NWD1: variants seen among roughly 807,000 people sequenced by gnomAD.
NWD1 encodes the protein NACHT and WD repeat domain containing 1.
NWD1 carries 129 observed loss-of-function variants against 135.1 expected under a neutral mutation model. The ratio of observed to expected loss-of-function variants is 0.96; its 90% CI spans 0.83 to 1.11. The LOEUF (loss-of-function observed/expected upper bound fraction) is 1.11, where lower values mean the gene tolerates loss of function less well. Among genes scored for constraint, NWD1 ranks in the 50% least tolerant of loss-of-function variants. The probability of loss-of-function intolerance (pLI) is 0.00; values close to 1 mark genes in which losing one functional copy is unlikely to be tolerated. For missense variants in NWD1, 1,740 were observed against 1,851.3 expected, an observed-to-expected ratio of 0.94 and a Z score of 1.10; for synonymous variants, 773 against 786.0, an observed-to-expected ratio of 0.98 and a Z score of 0.28.
chr19:16,743,567 T>C (rs758777976), intron 4 of NWD1, among the ~76,000 whole-genome samples: 3 of 152,074 alleles, frequency 2.0e-5, no homozygotes, highest in Non-Finnish European at 4.4e-5. Context: ...ATAAGGGCGG[T>C]CAACTTCACC....
intron 6 of NWD1, among the ~76,000 whole-genome samples, chr19:16,751,843 T>A (rs1230909371): frequency 3.7e-4 from 35 of 95,382 alleles, no homozygotes; most frequent in East Asian, 5.7e-4. Context: ...GGAAGGAAGA[T>A]AGTAAGAAAG....
At position 16,759,367 on chromosome 19, in the gene NWD1, CT is replaced by C. The variant is rs767821226; in HGVS notation, c.1913del (p.Leu638ArgfsTer69). ...PLLWVRLRRD[L>X]GYYLARRPVD... ...GCTGTGGGTGCGGCTTCGTCGGGAT[CT>C]GGGATACTACTTGGCCCGGCGGCCC... On this transcript the variant is annotated frameshift_variant, in exon 7 of 19. Coordinates refer to ENST00000524140, the MANE Select transcript of NWD1 (RefSeq NM_001007525.5). LOFTEE classifies it high-confidence loss of function. 6.2e-7 allele frequency: 1 copy of C among 1,611,368 alleles called. No individual in the cohort carries two copies. Among genetic ancestry groups the C allele is most frequent in the African/African-American group, 1.3e-5 (1 of 74,974 alleles).
Position 16,749,839 on chromosome 19 carries a change from G to A in NWD1, c.1197G>A (p.Leu399=). Residue 399 remains leucine, a synonymous_variant, in exon 6 of 19, where the codon CTG becomes CTA. Coordinates refer to ENST00000524140, the MANE Select transcript of NWD1 (RefSeq NM_001007525.5). ...ICFQVCLAYG[L]PLPPAQVLDA... The stretch of plus-strand genomic sequence containing the variant: ...TCCAGGTGTGCCTGGCCTATGGGCT[G>A]CCCTTGCCCCCTGCCCAGGTTCTGG... 1.9e-6 allele frequency: 3 copies of A among 1,611,628 alleles called. No homozygotes were observed. The highest frequency in any genetic ancestry group is 2.5e-6 in the Non-Finnish European group (3 of 1,178,912).
intron 13 of NWD1, among the ~76,000 whole-genome samples, chr19:16,789,716 C>CTTTTT (rs11383216): frequency 1.9e-4 from 23 of 119,572 alleles, no homozygotes; most frequent in Non-Finnish European, 2.5e-4. Flanking sequence ...TCCTCTCTCT[C>CTTTTT]TTTTTTTTTT....
chr19:16,762,076 C>T lies in NWD1; in HGVS notation c.2071C>T (p.Gln691Ter), dbSNP rs772531165. 6.2e-7 allele frequency: 1 copy of T among 1,614,076 alleles called. No homozygotes were observed. Among genetic ancestry groups the T allele is most frequent in the East Asian group, 2.2e-5 (1 of 44,878 alleles). ...CGACTTCTTCTCAGGGACCTGGAGCCAGGGTACCAAGAAGCTCATCACTCT... is the reference window on the plus strand; with the variant it reads ...CGACTTCTTCTCAGGGACCTGGAGCTAGGGTACCAAGAAGCTCATCACTCT... ...LADFFSGTWSQGTKKLITLPL... is the reference protein window; with the variant it reads ...LADFFSGTWS The change falls in exon 8 of 19, where the codon CAG (glutamine) becomes TAG (stop). Residue 691 changes from glutamine (Q) to a stop codon, truncating the protein, a stop_gained. Coordinates refer to ENST00000524140, the MANE Select transcript of NWD1 (RefSeq NM_001007525.5). LOFTEE classifies it high-confidence loss of function.
At chr19:16,776,773 TAAAAAAAAAAAA>T (rs554653148) in intron 11 of NWD1, among the ~76,000 whole-genome samples, 1 of 66,466 alleles carries the variant, frequency 1.5e-5, no homozygotes, top group African/African-American at 5.7e-5. Context: ...TACAAAAAGT[TAAAAAAAAAAAA>T]AAAAAAAAAA....
chr19:16,795,400 C>T (rs1045521080), intron 15 of NWD1, among the ~76,000 whole-genome samples: 1 of 150,276 alleles, frequency 6.7e-6, no homozygotes, highest in Non-Finnish European at 1.5e-5. Context: ...GGGGGTGTTA[C>T]AGTGTGCTAA....
At chr19:16,785,925 C>T (rs918747996) in intron 12 of NWD1, among the ~76,000 whole-genome samples, 6 of 151,658 alleles carry the variant, frequency 4.0e-5, no homozygotes, top group African/African-American at 1.5e-4. Flanking sequence ...AGTGCAATGA[C>T]ATGATCTTGG....
At chr19:16,779,529 C>A in intron 12 of NWD1, 64 bp downstream of exon 12, 2 of 1,503,402 alleles carry the variant, frequency 1.3e-6, no homozygotes, top group South Asian at 2.3e-5. Context: ...CTCAGAGCCC[C>A]TTCCCCACAG....
chr19:16,810,110 G>A (rs1970878883), intron 18 of NWD1, among the ~76,000 whole-genome samples: 1 of 151,964 alleles, frequency 6.6e-6, no homozygotes, highest in African/African-American at 2.4e-5. Flanking sequence ...ACATTTCCTT[G>A]ATGCTCAATA....
intron 18 of NWD1, among the ~76,000 whole-genome samples, chr19:16,811,104 G>A (rs2144528338): frequency 6.6e-6 from 1 of 152,292 alleles, no homozygotes; most frequent in Middle Eastern, 3.4e-3. Flanking sequence ...GATTACAGGT[G>A]TGAGCTATCA....
At chr19:16,791,321 A>T in intron 13 of NWD1, 29 bp from the exon 14 acceptor site, 1 of 1,602,756 alleles carries the variant, frequency 6.2e-7, no homozygotes, top group Non-Finnish European at 8.5e-7. Context: ...TCCTGCCAAG[A>T]TGCTGCTTCC....
chr19:16,733,875 C>T (rs764803317), intron 3 of NWD1, among the ~76,000 whole-genome samples: 1 of 152,084 alleles, frequency 6.6e-6, no homozygotes, highest in South Asian at 2.1e-4. Context: ...TCCTCTAACT[C>T]ATTGTTCCTC....
At chr19:16,770,372 C>T (rs991344130) in intron 10 of NWD1, among the ~76,000 whole-genome samples, 1 of 152,136 alleles carries the variant, frequency 6.6e-6, no homozygotes, top group Non-Finnish European at 1.5e-5. Flanking sequence ...TGAAGAAGGG[C>T]GTGTTTGCTT....
intron 17 of NWD1, among the ~76,000 whole-genome samples, chr19:16,802,050 C>T (rs1472929104): frequency 6.6e-6 from 1 of 151,990 alleles, no homozygotes; most frequent in East Asian, 1.9e-4. Flanking sequence ...CTTTGGGAGG[C>T]TGAGTTGGGT....
chr19:16,803,919 C>T lies in NWD1; in HGVS notation c.3737-3667C>T, dbSNP rs1970677322. Among the ~76,000 whole-genome samples, 10 of 150,818 alleles carry T rather than the reference C, an allele frequency of 6.6e-5. No individual in the cohort carries two copies. In the Admixed American group the frequency reaches 6.6e-4, roughly 10 times the overall value. ...CAGCTTTGGCAACAGAGTGAGACTC[C>T]ACCACCCGAAAAAAAAAAGAAAAAG... On this transcript the variant is annotated intron_variant, in intron 17 of 18. Transcript: ENST00000524140.
chr19:16,741,803 G>A (rs770920307), intron 4 of NWD1, among the ~76,000 whole-genome samples: 1 of 152,068 alleles, frequency 6.6e-6, no homozygotes, highest in Admixed American at 6.6e-5. Context: ...ATTGATGCCT[G>A]CCTCTTTGGC....
At chr19:16,800,251 A>T in intron 17 of NWD1, 89 bp downstream of exon 17, 1 of 1,319,238 alleles carries the variant, frequency 7.6e-7, no homozygotes. Context: ...TCATCCCCAC[A>T]GGCTGGGCCC....
At position 16,749,811 on chromosome 19, in the gene NWD1, G is replaced by T; in HGVS notation, c.1169G>T (p.Cys390Phe). The change falls in exon 6 of 19, where the codon TGC becomes TTC. Residue 390 changes from cysteine to phenylalanine, a missense_variant. Physicochemically the swap from Cys to Phe is radical, Grantham distance 205 (BLOSUM62 -2). Coordinates refer to ENST00000524140, the MANE Select transcript of NWD1 (RefSeq NM_001007525.5). The part of the protein sequence containing the change: ...SDARGLLKSI[C>F]FQVCLAYGLP... ...GCCCGTGGCCTGCTGAAGAGCATCT[G>T]CTTCCAGGTGTGCCTGGCCTATGGG... 1.9e-6 allele frequency: 3 copies of T among 1,607,570 alleles called. No homozygotes were observed. Among genetic ancestry groups the T allele is most frequent in the Non-Finnish European group, 2.5e-6 (3 of 1,176,562 alleles).
Sources: allele counts gnomAD v4.1 joint callset (sites outside exome capture counted in the v4.1 genomes callset), GRCh38; gene constraint gnomAD v4.1.1; transcripts MANE v1.5; gene names NCBI Gene and HGNC (gene_info 2026-07-23, HGNC 2026-07-21).